The following SIDT2 variants were observed in gnomAD, a reference collection of about 807,000 sequenced individuals.
SIDT2 encodes SID1 transmembrane family, member 2.
SIDT2 carries 68 observed loss-of-function variants against 114.4 expected under a neutral mutation model. The observed-to-expected ratio is 0.59, with a 90% CI of 0.49 to 0.73. The LOEUF is 0.73. Among genes scored for constraint, SIDT2 ranks in the 30% least tolerant of loss-of-function variants. SIDT2 has a pLI of 0.00. For missense variants in SIDT2, 918 were observed against 1,097.1 expected (o/e 0.84, Z 2.31); for synonymous variants, 470 against 438.4 (o/e 1.07, Z -0.90).
intron 2 of SIDT2, 101 bp downstream of exon 2, chr11:117,181,638 G>A: frequency 6.3e-7 from 1 of 1,583,802 alleles, no homozygotes. Context: ...CTTTCCCTGG[G>A]CTGGGAGGCT....
Position 117,196,469 on chromosome 11 carries a change from C to T in SIDT2, c.*403C>T, listed in dbSNP as rs780431454. On this transcript the variant is annotated 3_prime_UTR_variant, in exon 26 of 26. Transcript: ENST00000324225. This position sits in a 1 kb window ranked among gnomAD's most constrained non-coding sequence, Gnocchi z 4.9. Reference sequence around the variant, plus strand: ...CAATGCCCCAGCCTGGGACCTAAGGCCTCTTTTTCCTCCCATACTCCCACT... The same window carrying T: ...CAATGCCCCAGCCTGGGACCTAAGGTCTCTTTTTCCTCCCATACTCCCACT... 47 of 239,792 alleles carry T rather than the reference C, an allele frequency of 2.0e-4. No individual in the cohort carries two copies. The highest frequency in any genetic ancestry group is 3.4e-4 in the Non-Finnish European group (41 of 120,564). 14.9% of individuals were successfully genotyped at this position (239,792 alleles called of 1,614,324 possible).
At position 117,192,981 on chromosome 11, in the gene SIDT2, GC is replaced by G. The variant is rs1281528079; in HGVS notation, c.2105+116del. ...CAAATGTTGGGCATAAGACATGGGGGCTAAGAGAGATCTTGGCCTCTCTTCT... is the reference window on the plus strand; with the variant it reads ...CAAATGTTGGGCATAAGACATGGGGGTAAGAGAGATCTTGGCCTCTCTTCT... On this transcript the variant is annotated intron_variant, in intron 22 of 25. Coordinates refer to ENST00000324225, the MANE Select transcript of SIDT2 (RefSeq NM_001040455.2). The surrounding 1 kb of genome is among the most constrained non-coding windows in gnomAD (Gnocchi z 5.9). The G allele has an allele frequency of 3.5e-6, 5 of 1,434,260 alleles. No individual in the cohort carries two copies. The Admixed American group carries it at 8.4e-5, about 24-fold the overall frequency. The allele number at this position is 1,434,260 out of a possible 1,614,324, so 88.8% of individuals were successfully genotyped here. A position where few individuals can be genotyped will look rare whatever the true frequency, so the allele number is the denominator to read the frequency against.
rs1337254961 is a variant in SIDT2, at chr11:117,181,857, C to A, written c.356C>A (p.Pro119His). ...YQKVERTLCQPPTKNESEIQF... is the reference protein window; with the variant it reads ...YQKVERTLCQHPTKNESEIQF... ...AAAGTGGAACGAACCCTGTGTCAGC[C>A]CCCCACCAAGAATGAGTCGGAGATT... Residue 119 changes from proline to histidine, a missense_variant, in exon 3 of 26, where the codon CCC becomes CAC. This residue lies in a region of SIDT2 where 553 missense variants were observed against 600.1 expected (regional missense o/e 0.92). Coordinates refer to ENST00000324225, the MANE Select transcript of SIDT2 (RefSeq NM_001040455.2). The A allele has an allele frequency of 1.9e-6, 3 of 1,614,226 alleles. No homozygotes were observed. The highest frequency in any genetic ancestry group is 1.7e-5 in the Admixed American group (1 of 60,032).
chr11:117,184,196 A>C (rs2030407936), intron 8 of SIDT2, 57 bp downstream of exon 8: 3 of 1,555,382 alleles, frequency 1.9e-6, no homozygotes, highest in Non-Finnish European at 2.7e-6. Context: ...TCCTGCTTTC[A>C]GACCTGGGAT....
At position 117,181,466 on chromosome 11, in the gene SIDT2, G is replaced by A. The variant is rs763610771; in HGVS notation, c.234G>A (p.Ala78=). Reference sequence around the variant, plus strand: ...ACGTCCTGAACAAGCAGAAGGGGGCGCCGTTGCTGTTTGTGGTCCGCCAGA... The same window carrying A: ...ACGTCCTGAACAAGCAGAAGGGGGCACCGTTGCTGTTTGTGGTCCGCCAGA... ...SVNVLNKQKG[A]PLLFVVRQKE... The change falls in exon 2 of 26, where the codon GCG becomes GCA. Residue 78 remains alanine, a synonymous_variant. Coordinates refer to ENST00000324225, the MANE Select transcript of SIDT2 (RefSeq NM_001040455.2). The A allele has an allele frequency of 3.2e-5, 52 of 1,613,592 alleles. No homozygotes were observed. The highest frequency in any genetic ancestry group is 3.6e-5 in the Non-Finnish European group (43 of 1,179,946).
Position 117,187,055 on chromosome 11 carries a change from G to C in SIDT2, c.1016-323G>C, listed in dbSNP as rs968188383. On this transcript the variant is annotated intron_variant, in intron 10 of 25. Transcript: ENST00000324225. ...GCTGGAGTCCAGAGTAGGGGAGGGA[G>C]GGTGCAGCACAGGGCTGTCTGGAGG... is the stretch of plus-strand genomic sequence containing the variant. 4.8e-6 allele frequency: 7 copies of C among 1,459,436 alleles called. No homozygotes were observed. The Admixed American group carries it at 6.2e-5, about 13-fold the overall frequency. The allele number at this position is 1,459,436 out of a possible 1,614,324, so 90.4% of individuals were successfully genotyped here.
chr11:117,190,834 A>C lies in SIDT2; in HGVS notation c.1735+94A>C. ...CAAGTCACCCACAGGGATCGCTAAGACACCCCTGTAGGAAACTCCAAGGCT... is the reference window on the plus strand; with the variant it reads ...CAAGTCACCCACAGGGATCGCTAAGCCACCCCTGTAGGAAACTCCAAGGCT... On this transcript the variant is annotated intron_variant, in intron 18 of 25. Transcript: ENST00000324225. The surrounding 1 kb of genome is among the most constrained non-coding windows in gnomAD (Gnocchi z 4.1). The C allele has an allele frequency of 1.0e-6, 1 of 991,050 alleles. No individual in the cohort carries two copies. 61.4% of individuals were successfully genotyped at this position (991,050 alleles called of 1,614,324 possible).
In SIDT2 at chr11:117,190,722, T is replaced by G. The variant is rs2030668910; in HGVS notation, c.1717T>G (p.Tyr573Asp). 6.2e-7 allele frequency: 1 copy of G among 1,613,828 alleles called. No homozygotes were observed. Among genetic ancestry groups the G allele is most frequent in the African/African-American group, 1.3e-5 (1 of 74,918 alleles). Residue 573 changes from tyrosine (Y) to aspartate (D), a missense_variant, in exon 18 of 26, where the codon TAT (tyrosine) becomes GAT (aspartate). By Grantham distance (160) the Tyr-to-Asp change is radical. This residue lies in a region of SIDT2 where 275 missense variants were observed against 397.6 expected (regional missense o/e 0.69). Coordinates refer to ENST00000324225, the MANE Select transcript of SIDT2 (RefSeq NM_001040455.2). The surrounding 1 kb of genome is among the most constrained non-coding windows in gnomAD (Gnocchi z 4.1). ...TGCTTGCTATCATGTGTGCCCCAAC[T>G]ATACCAATTTCCAGTTTGGTGAGTG... is the stretch of plus-strand genomic sequence containing the variant. ...LSACYHVCPN[Y>D]TNFQFDTSFM...
intron 4 of SIDT2, 169 bp from the exon 5 acceptor site, chr11:117,182,350 T>C (rs2030322106): frequency 2.8e-6 from 2 of 716,522 alleles, no homozygotes; most frequent in South Asian, 3.6e-5. Context: ...AAGGGAATGG[T>C]ATACAGAGAA....
chr11:117,185,328 G>A (rs1034523780), intron 8 of SIDT2, among the ~76,000 whole-genome samples: 8 of 151,946 alleles, frequency 5.3e-5, no homozygotes, highest in Admixed American at 4.6e-4. Flanking sequence ...GATTACAGGC[G>A]TGAGCCACCG....
chr11:117,194,307 T>A (rs1440491350), intron 24 of SIDT2, among the ~76,000 whole-genome samples: 2 of 150,844 alleles, frequency 1.3e-5, no homozygotes, highest in Non-Finnish European at 3.0e-5. Context: ...GCCATGTCTC[T>A]AAAAAAAAAA....
chr11:117,188,047 C>T lies in SIDT2; in HGVS notation c.1159+348C>T, dbSNP rs1591769210. Reference sequence around the variant, plus strand: ...TGTGGGGCCAGAAAGATTCTATGTGCATGGCTTCCCCATGTAATTCCAGTA... The same window carrying T: ...TGTGGGGCCAGAAAGATTCTATGTGTATGGCTTCCCCATGTAATTCCAGTA... On this transcript the variant is annotated intron_variant, in intron 12 of 25. Coordinates refer to ENST00000324225, the MANE Select transcript of SIDT2 (RefSeq NM_001040455.2). The surrounding 1 kb of genome is among the most constrained non-coding windows in gnomAD (Gnocchi z 4.0). 1 of 518,748 alleles carries T rather than the reference C, an allele frequency of 1.9e-6. No homozygotes were observed. The highest frequency in any genetic ancestry group is 1.9e-5 in the African/African-American group (1 of 52,522). The allele number at this position is 518,748 out of a possible 1,614,324, so 32.1% of individuals were successfully genotyped here.
At chr11:117,195,726 G>A in intron 24 of SIDT2, 76 bp from the exon 25 acceptor site, 1 of 1,501,374 alleles carries the variant, frequency 6.7e-7, no homozygotes, top group South Asian at 1.2e-5. Flanking sequence ...GTGCCCAGGA[G>A]CAAGATGGCA....
Position 117,180,629 on chromosome 11 carries a change from C to T in SIDT2, c.184-787C>T, listed in dbSNP as rs148680296. ...CAGCTCACTGCAACCTCCGCCTTCCCGGTTCAAGCGATTCTCCTGCCTCAG... is the reference window on the plus strand; with the variant it reads ...CAGCTCACTGCAACCTCCGCCTTCCTGGTTCAAGCGATTCTCCTGCCTCAG... On this transcript the variant is annotated intron_variant, in intron 1 of 25. Transcript: ENST00000324225. 8.6e-3 allele frequency among the ~76,000 whole-genome samples: 1,294 copies of T among 150,496 alleles called. 13 individuals are homozygous for T. Among genetic ancestry groups the T allele is most frequent in the South Asian group, 0.027 (126 of 4,748 alleles).
At chr11:117,191,619 C>T (rs1232200896) in intron 18 of SIDT2, 5 of 486,284 alleles carry the variant, frequency 1.0e-5, no homozygotes. Flanking sequence ...TCTCAGGGTG[C>T]TCACAGACTA....
Position 117,181,816 on chromosome 11 carries a change from C to G in SIDT2, c.315C>G (p.Arg105=), listed in dbSNP as rs61729990. 1 of 1,614,164 alleles carries G rather than the reference C, an allele frequency of 6.2e-7. No homozygotes were observed. The highest frequency in any genetic ancestry group is 1.3e-5 in the African/African-American group (1 of 75,044). The change falls in exon 3 of 26, where the codon CGC becomes CGG. Residue 105 remains arginine (R), a synonymous_variant. Coordinates refer to ENST00000324225, the MANE Select transcript of SIDT2 (RefSeq NM_001040455.2). ...VPLILRGMFQ[R]KYLYQKVERT... Reference sequence around the variant, plus strand: ...CTGCTTCGGGCCATAGGTTTCAGCGCAAGTACCTCTACCAAAAAGTGGAAC... The same window carrying G: ...CTGCTTCGGGCCATAGGTTTCAGCGGAAGTACCTCTACCAAAAAGTGGAAC...
rs1330773301 is a variant in SIDT2 at position 117,182,880 on chromosome 11, T to C, written c.702+74T>C. 4.0e-6 allele frequency: 6 copies of C among 1,493,474 alleles called. No homozygotes were observed. The Admixed American group carries it at 1.2e-4, about 30-fold the overall frequency. The allele number at this position is 1,493,474 out of a possible 1,614,324, so 92.5% of individuals were successfully genotyped here. On this transcript the variant is annotated intron_variant, in intron 6 of 25. Coordinates refer to ENST00000324225, the MANE Select transcript of SIDT2 (RefSeq NM_001040455.2). Reference sequence around the variant, plus strand: ...GTGTAGCTTTCCAAACTTGAGCTCTTCTTCCTCTGCCCATTCCTATCCTAC... The same window carrying C: ...GTGTAGCTTTCCAAACTTGAGCTCTCCTTCCTCTGCCCATTCCTATCCTAC...
intron 23 of SIDT2, among the ~76,000 whole-genome samples, chr11:117,193,528 G>A (rs2030777204): frequency 6.6e-6 from 1 of 152,188 alleles, no homozygotes; most frequent in South Asian, 2.1e-4. Flanking sequence ...GCTGAGGGGA[G>A]GTAGGGTGTG....
Position 117,192,665 on chromosome 11 carries a change from C to G in SIDT2, c.2058+15C>G. On this transcript the variant is annotated intron_variant, in intron 21 of 25. Coordinates refer to ENST00000324225, the MANE Select transcript of SIDT2 (RefSeq NM_001040455.2). This position sits in a 1 kb window ranked among gnomAD's most constrained non-coding sequence, Gnocchi z 5.9. ...CGCTCTACGTGGTACCTGCCTGGTT[C>G]CCCTGCTCCATTCTCCACATCTCCT... 1 of 1,612,848 alleles carries G rather than the reference C, an allele frequency of 6.2e-7. No homozygotes were observed. The highest frequency in any genetic ancestry group is 2.2e-5 in the East Asian group (1 of 44,890).
Sources: allele counts gnomAD v4.1 joint callset (sites outside exome capture counted in the v4.1 genomes callset), GRCh38; gene constraint gnomAD v4.1.1; regional missense constraint gnomAD v4.1.1; non-coding constraint Gnocchi (gnomAD v3.1); transcripts MANE v1.5; gene names NCBI Gene and HGNC (gene_info 2026-07-23, HGNC 2026-07-21).